Variants in CSMD2 observed in about 807,000 individuals in gnomAD.
CSMD2 encodes CUB and sushi domain-containing protein 2.
Under a neutral mutation model 398.5 loss-of-function variants are expected in CSMD2, and 130 were observed. The ratio of observed to expected loss-of-function variants is 0.33; its 90% CI spans 0.28 to 0.38. CSMD2 has a LOEUF of 0.38. Among genes scored for constraint, CSMD2 ranks in the 10% least tolerant of loss-of-function variants. The pLI is 1.00. For synonymous variants in CSMD2, 1,828 were observed against 1,908.5 expected, an observed-to-expected ratio of 0.96 and a Z score of 1.10; for missense variants, 3,829 against 4,764.9, an observed-to-expected ratio of 0.80 and a Z score of 5.78.
At chr1:33,573,494 C>A (rs1659783784) in intron 49 of CSMD2, among the ~76,000 whole-genome samples, 1 of 149,694 alleles carries the variant, frequency 6.7e-6, no homozygotes, top group Admixed American at 6.6e-5. Context: ...AAAATAAAAT[C>A]AGTGTGCTCT....
chr1:33,885,357 A>G (rs1007130628), intron 5 of CSMD2: 1 of 152,202 alleles, frequency 6.6e-6, no homozygotes, highest in Non-Finnish European at 1.5e-5. Context: ...GGAGGAGGCA[A>G]TGCAATCTAC....
At chr1:33,603,111 C>A (rs560250321) in intron 42 of CSMD2, among the ~76,000 whole-genome samples, 2 of 152,188 alleles carry the variant, frequency 1.3e-5, no homozygotes, top group Admixed American at 6.5e-5. Context: ...CATTTCCTCA[C>A]CTGTAAAATG....
At chr1:33,940,329 A>G (rs568871080) in intron 3 of CSMD2, among the ~76,000 whole-genome samples, 16 of 152,302 alleles carry the variant, frequency 1.1e-4, no homozygotes, top group Admixed American at 1.3e-4. Context: ...AAATGAGGTC[A>G]TATTCACAGG....
chr1:34,073,278 T>G (rs1219020138), intron 2 of CSMD2, among the ~76,000 whole-genome samples: 1 of 152,240 alleles, frequency 6.6e-6, no homozygotes, highest in Non-Finnish European at 1.5e-5. Context: ...GTTAGGGGTT[T>G]GATAAAATCC....
At chr1:33,812,591 T>C (rs1656983228) in intron 9 of CSMD2, among the ~76,000 whole-genome samples, 1 of 152,260 alleles carries the variant, frequency 6.6e-6, no homozygotes. Context: ...GGTTTTAAAA[T>C]TTATGAACTT....
rs987682501 is a variant in CSMD2, at chr1:33,514,535, C to G, written c.*2089G>C. ...GGGTGCCCCACCAGCAGGTGCTCCTCGAGCATCTCATGGAACTTTACAAGG... is the reference window on the plus strand; with the variant it reads ...GGGTGCCCCACCAGCAGGTGCTCCTGGAGCATCTCATGGAACTTTACAAGG... On this transcript the variant is annotated 3_prime_UTR_variant, in exon 71 of 71. Transcript: ENST00000373381. The G allele has an allele frequency of 7.9e-6, 1 of 127,254 alleles. No homozygotes were observed. The highest frequency in any genetic ancestry group is 3.2e-5 in the African/African-American group (1 of 31,710). The allele number at this position is 127,254 out of a possible 1,614,324, so 7.9% of individuals were successfully genotyped here.
chr1:33,607,092 C>G (rs1570921818), intron 41 of CSMD2, among the ~76,000 whole-genome samples: 1 of 152,190 alleles, frequency 6.6e-6, no homozygotes, highest in East Asian at 1.9e-4. Flanking sequence ...TATTTTAAAA[C>G]ATTAATAATG....
Position 33,581,950 on chromosome 1 carries a change from A to G in CSMD2, c.7241-1051T>C, listed in dbSNP as rs376257555. 2.1e-4 allele frequency among the ~76,000 whole-genome samples: 32 copies of G among 152,238 alleles called. No individual in the cohort carries two copies. In the East Asian group the frequency reaches 3.9e-3, roughly 18 times the overall value. ...AAACTGTGAAGGGAAAGGCTGGGAGAAGTGGCATGCTGGGCTAGGTCTGCT... is the reference window on the plus strand; with the variant it reads ...AAACTGTGAAGGGAAAGGCTGGGAGGAGTGGCATGCTGGGCTAGGTCTGCT... On this transcript the variant is annotated intron_variant, in intron 47 of 70. Transcript: ENST00000373381.
intron 12 of CSMD2, among the ~76,000 whole-genome samples, chr1:33,781,098 G>T (rs538061172): frequency 1.3e-5 from 2 of 152,332 alleles, no homozygotes; most frequent in South Asian, 4.1e-4. Context: ...AAGTTCTGAA[G>T]AAGGGGATGT....
intron 41 of CSMD2, among the ~76,000 whole-genome samples, chr1:33,607,254 T>C (rs1283935172): frequency 6.6e-6 from 1 of 152,132 alleles, no homozygotes; most frequent in Non-Finnish European, 1.5e-5. Flanking sequence ...TACTAAGAAC[T>C]TGATGGGAAT....
intron 60 of CSMD2, among the ~76,000 whole-genome samples, chr1:33,540,025 G>A (rs992372569): frequency 6.6e-6 from 1 of 152,184 alleles, no homozygotes; most frequent in Non-Finnish European, 1.5e-5. Flanking sequence ...ACAAGAATAA[G>A]TGACCCAGAA....
rs968477911 is a variant in CSMD2, at chr1:33,886,186, T to C, written c.920+31908A>G. ...GATGCTGAGCTAAGGCTCTGGACTA[T>C]ATTCCATGGGTGACAGGAGCCATCA... On this transcript the variant is annotated intron_variant, in intron 5 of 70. Transcript: ENST00000373381. Among the ~76,000 whole-genome samples, 6 of 152,272 alleles carry C rather than the reference T, an allele frequency of 3.9e-5. No homozygotes were observed. In the East Asian group the frequency reaches 1.2e-3, roughly 29 times the overall value.
At chr1:34,081,690 G>A (rs1427614572) in intron 2 of CSMD2, among the ~76,000 whole-genome samples, 4 of 152,182 alleles carry the variant, frequency 2.6e-5, no homozygotes, top group Admixed American at 1.3e-4. Flanking sequence ...GAGGTGCCTC[G>A]CTCACTCAGT....
intron 3 of CSMD2, among the ~76,000 whole-genome samples, chr1:33,996,815 G>C (rs1331716060): frequency 6.6e-6 from 1 of 151,982 alleles, no homozygotes; most frequent in Non-Finnish European, 1.5e-5. Context: ...GGGAGGGAGA[G>C]GGGAAAGCAG....
intron 1 of CSMD2, among the ~76,000 whole-genome samples, chr1:34,113,561 C>T (rs773988343): frequency 1.8e-4 from 28 of 152,282 alleles, no homozygotes; most frequent in Middle Eastern, 6.8e-3. Context: ...CCCCTCATGG[C>T]CCTTACAGTC....
intron 27 of CSMD2, 105 bp downstream of exon 27, chr1:33,657,841 A>G: frequency 8.6e-7 from 1 of 1,162,490 alleles, no homozygotes; most frequent in Non-Finnish European, 1.2e-6. Flanking sequence ...GTCTGTTTCA[A>G]TTCTCTTGGC....
In CSMD2 at chr1:33,699,009, T is replaced by C. The variant is rs969909227; in HGVS notation, c.3734-65A>G. ...GTGGCAGAAACCATGCTTCCTCTCT[T>C]CCCTCAAAGCCCACGTCCTCAAGGA... On this transcript the variant is annotated intron_variant, in intron 23 of 70. Coordinates refer to ENST00000373381, the MANE Select transcript of CSMD2 (RefSeq NM_001281956.2). 6 of 1,406,146 alleles carry C rather than the reference T, an allele frequency of 4.3e-6. No individual in the cohort carries two copies. The African/African-American group carries it at 8.5e-5, about 20-fold the overall frequency. 87.1% of individuals were successfully genotyped at this position (1,406,146 alleles called of 1,614,324 possible). A position where few individuals can be genotyped will look rare whatever the true frequency, so the allele number is the denominator to read the frequency against.
Position 33,607,196 on chromosome 1 carries a change from A to G in CSMD2, c.6344-1726T>C, listed in dbSNP as rs769953902. Reference sequence around the variant, plus strand: ...CTCCTGAGAAATTGTCATGGAACACATTAAGCATGTCGGACCGGGAGGCCT... The same window carrying G: ...CTCCTGAGAAATTGTCATGGAACACGTTAAGCATGTCGGACCGGGAGGCCT... On this transcript the variant is annotated intron_variant, in intron 41 of 70. Coordinates refer to ENST00000373381, the MANE Select transcript of CSMD2 (RefSeq NM_001281956.2). 4.9e-4 allele frequency among the ~76,000 whole-genome samples: 74 copies of G among 152,244 alleles called. 1 individual carries two copies. The highest frequency in any genetic ancestry group is 3.2e-4 in the Non-Finnish European group (22 of 68,042).
intron 36 of CSMD2, among the ~76,000 whole-genome samples, chr1:33,623,119 G>A (rs998802951): frequency 6.6e-6 from 1 of 152,222 alleles, no homozygotes; most frequent in Non-Finnish European, 1.5e-5. Flanking sequence ...GAGGCTAGGT[G>A]TGGGCTGGGG....
Sources: allele counts gnomAD v4.1 joint callset (sites outside exome capture counted in the v4.1 genomes callset), GRCh38; gene constraint gnomAD v4.1.1; transcripts MANE v1.5; gene names NCBI Gene and HGNC (gene_info 2026-07-23, HGNC 2026-07-21).